The following NUP155 variants were observed in gnomAD, a reference collection of about 807,000 sequenced individuals.
NUP155 encodes the protein nuclear pore complex protein Nup155.
Under a neutral mutation model 180.4 loss-of-function variants are expected in NUP155, and 71 were observed. The ratio of observed to expected loss-of-function variants is 0.39; its 90% CI spans 0.33 to 0.48. NUP155 has a LOEUF of 0.48. Among genes scored for constraint, NUP155 ranks in the 20% least tolerant of loss-of-function variants. NUP155 has a pLI of 0.91. For synonymous variants in NUP155, 582 were observed against 559.5 expected (o/e 1.04, Z -0.57); for missense variants, 1,553 against 1,648.9 (o/e 0.94, Z 1.01).
intron 27 of NUP155, among the ~76,000 whole-genome samples, chr5:37,304,075 C>A (rs767518985): frequency 1.3e-4 from 19 of 151,684 alleles, no homozygotes; most frequent in Admixed American, 3.3e-4. Context: ...TGGTAAAACC[C>A]CGTCTCTACT....
Position 37,349,198 on chromosome 5 carries a change from T to C in NUP155, c.877A>G (p.Thr293Ala). ...AIDNSRNILY[T>A]RSEKGVIQVY... Reference sequence around the variant, plus strand: ...TGTATTACTCCTTTCTCAGATCGTGTATATAAAATATTTCTAGAATTATCA... The same window carrying C: ...TGTATTACTCCTTTCTCAGATCGTGCATATAAAATATTTCTAGAATTATCA... Residue 293 changes from threonine (T) to alanine (A), a missense_variant, in exon 8 of 35, where the codon ACA becomes GCA. By Grantham distance (58) the Thr-to-Ala change is moderately conservative. Coordinates refer to ENST00000231498, the MANE Select transcript of NUP155 (RefSeq NM_153485.3). 1.3e-6 allele frequency: 1 copy of C among 775,238 alleles called. No individual in the cohort carries two copies. Among genetic ancestry groups the C allele is most frequent in the Non-Finnish European group, 2.0e-6 (1 of 487,812 alleles). 48.0% of individuals were successfully genotyped at this position (775,238 alleles called of 1,614,324 possible). A position where few individuals can be genotyped will look rare whatever the true frequency, so the allele number is the denominator to read the frequency against.
chr5:37,305,366 G>A (rs549167808), intron 25 of NUP155, among the ~76,000 whole-genome samples, 156 bp from the exon 26 acceptor site: 4 of 148,058 alleles, frequency 2.7e-5, no homozygotes, highest in East Asian at 1.9e-4. Context: ...GCAACAGAGC[G>A]GGACCACGTC....
At chr5:37,337,789 G>A (rs1561795500) in intron 12 of NUP155, 29 bp downstream of exon 12, 2 of 1,358,894 alleles carry the variant, frequency 1.5e-6, no homozygotes, top group Non-Finnish European at 2.1e-6. Flanking sequence ...TTATATAATA[G>A]TTTTTTCAGA....
chr5:37,364,363 A>G lies in NUP155; in HGVS notation c.179T>C (p.Met60Thr), dbSNP rs1238480644. The change falls in exon 2 of 35, where the codon ATG (methionine) becomes ACG (threonine). Residue 60 changes from methionine (M) to threonine (T), a missense_variant. By Grantham distance (81) the Met-to-Thr change is moderately conservative (BLOSUM62 -1). Transcript: ENST00000231498. ...TTGCAAAGGATAATCCATATCTGAC[A>G]TGCCAGAAACGGTGGGATTATCTAC... ...SAPNNPTVSG[M>T]SDMDYPLQGP... The G allele has an allele frequency of 6.2e-7, 1 of 1,612,180 alleles. No individual in the cohort carries two copies. The highest frequency in any genetic ancestry group is 1.1e-5 in the South Asian group (1 of 91,062).
chr5:37,308,039 G>T (rs1255181471), intron 24 of NUP155, among the ~76,000 whole-genome samples: 2 of 151,308 alleles, frequency 1.3e-5, no homozygotes, highest in Non-Finnish European at 2.9e-5. Context: ...CTACTGGGGG[G>T]AAAAAAATAC....
At position 37,289,521 on chromosome 5, in the gene NUP155, G is replaced by C. The variant is rs1742147627; in HGVS notation, c.*2379C>G. 6.6e-6 allele frequency: 1 copy of C among 152,136 alleles called. No homozygotes were observed. The highest frequency in any genetic ancestry group is 2.4e-5 in the African/African-American group (1 of 41,424). The allele number at this position is 152,136 out of a possible 1,614,324, so 9.4% of individuals were successfully genotyped here. A position where few individuals can be genotyped will look rare whatever the true frequency, so the allele number is the denominator to read the frequency against. ...ACTGTTCCAAGGGTAAAAATGAGGGGACCTAATTTCTTCTCTCTTAGGAAT... is the reference window on the plus strand; with the variant it reads ...ACTGTTCCAAGGGTAAAAATGAGGGCACCTAATTTCTTCTCTCTTAGGAAT... On this transcript the variant is annotated 3_prime_UTR_variant, in exon 35 of 35. Coordinates refer to ENST00000231498, the MANE Select transcript of NUP155 (RefSeq NM_153485.3).
At position 37,331,814 on chromosome 5, in the gene NUP155, G is replaced by A; in HGVS notation, c.1519-19C>T. 1 of 1,446,902 alleles carries A rather than the reference G, an allele frequency of 6.9e-7. No homozygotes were observed. The highest frequency in any genetic ancestry group is 1.7e-5 in the Admixed American group (1 of 59,716). 89.6% of individuals were successfully genotyped at this position (1,446,902 alleles called of 1,614,324 possible). On this transcript the variant is annotated intron_variant, in intron 13 of 34. Transcript: ENST00000231498. ...GGCTCCCCTAAGAAATTTGAAGAAA[G>A]AACATGAACAAGAGATTTACCAAGA... is the stretch of plus-strand genomic sequence containing the variant.
chr5:37,320,013 T>A (rs150959322), intron 20 of NUP155, among the ~76,000 whole-genome samples: 2,411 of 151,668 alleles, frequency 0.016, 40 homozygotes, highest in South Asian at 0.068. Flanking sequence ...TGAGACCCTA[T>A]CTCTGAGAAA....
chr5:37,356,509 T>C (rs1746841248), intron 4 of NUP155, among the ~76,000 whole-genome samples: 1 of 149,722 alleles, frequency 6.7e-6, no homozygotes, highest in African/African-American at 2.5e-5. Flanking sequence ...CGTGGTGACA[T>C]GCGTTTATAA....
intron 21 of NUP155, among the ~76,000 whole-genome samples, chr5:37,314,574 A>G (rs1743760730): frequency 6.6e-6 from 1 of 152,208 alleles, no homozygotes; most frequent in African/African-American, 2.4e-5. Context: ...GCGGTGGCTC[A>G]CGCCTGTAAT....
intron 1 of NUP155, 155 bp downstream of exon 1, chr5:37,370,666 C>T: frequency 5.0e-6 from 8 of 1,595,786 alleles, no homozygotes; most frequent in Non-Finnish European, 6.8e-6. Flanking sequence ...AGGAAAAAAC[C>T]TGAAAAGAAG....
intron 3 of NUP155, 115 bp from the exon 4 acceptor site, chr5:37,358,266 C>A: frequency 1.3e-6 from 1 of 764,286 alleles, no homozygotes; most frequent in Non-Finnish European, 2.3e-6. Flanking sequence ...ACTGCCTGAG[C>A]CCAGAAGTTC....
At position 37,307,353 on chromosome 5, in the gene NUP155, GA is replaced by G; in HGVS notation, c.2846del (p.Phe949SerfsTer11). On this transcript the variant is annotated frameshift_variant, in exon 25 of 35. Transcript: ENST00000231498. LOFTEE classifies it high-confidence loss of function. ...KKDPQGLGLH[F>X]YKHGEPEEDI... ...CTTCTTCTGGTTCTCCATGTTTATA[GA>G]AATGAAGCCCAAGACCTTGAGGATC... 6.2e-7 allele frequency: 1 copy of G among 1,614,008 alleles called. No homozygotes were observed. Among genetic ancestry groups the G allele is most frequent in the Non-Finnish European group, 8.5e-7 (1 of 1,179,914 alleles).
intron 20 of NUP155, among the ~76,000 whole-genome samples, chr5:37,321,673 C>T (rs1307814927): frequency 1.3e-5 from 2 of 151,986 alleles, no homozygotes; most frequent in East Asian, 1.9e-4. Context: ...GCTGAGATTG[C>T]ACCACTGCAC....
chr5:37,320,426 G>A (rs184958823), intron 20 of NUP155, among the ~76,000 whole-genome samples: 1 of 152,136 alleles, frequency 6.6e-6, no homozygotes, highest in African/African-American at 2.4e-5. Flanking sequence ...GCGGTGAGCC[G>A]AGGATCATGC....
chr5:37,354,157 T>G (rs2548041), intron 4 of NUP155, among the ~76,000 whole-genome samples: 4,359 of 152,284 alleles, frequency 0.029, 219 homozygotes, highest in African/African-American at 0.099. Context: ...GCTTTGCTTT[T>G]CTTTTTGAGA....
intron 6 of NUP155, among the ~76,000 whole-genome samples, chr5:37,350,729 G>A (rs1746398881): frequency 6.6e-6 from 1 of 151,610 alleles, no homozygotes; most frequent in South Asian, 2.1e-4. Context: ...CTTAAACCCA[G>A]GGGATGGAGG....
intron 21 of NUP155, 64 bp downstream of exon 21, chr5:37,317,924 C>T: frequency 1.1e-6 from 1 of 869,722 alleles, no homozygotes; most frequent in Non-Finnish European, 2.0e-6. Flanking sequence ...CCATTGTTTT[C>T]TATTCAAGTA....
chr5:37,314,474 GTTA>G (rs1301591363), intron 21 of NUP155, 146 bp from the exon 22 acceptor site: 4 of 644,802 alleles, frequency 6.2e-6, no homozygotes. Context: ...TAGTATTTAT[GTTA>G]TTATCTTCTC....
Sources: allele counts gnomAD v4.1 joint callset (sites outside exome capture counted in the v4.1 genomes callset), GRCh38; gene constraint gnomAD v4.1.1; transcripts MANE v1.5; gene names NCBI Gene and HGNC (gene_info 2026-07-23, HGNC 2026-07-21).